LAPTM5: variants seen among roughly 807,000 people sequenced by gnomAD.
LAPTM5 encodes the protein lysosomal protein transmembrane 5.
Under a neutral mutation model 30.1 loss-of-function variants are expected in LAPTM5, and 11 were observed. The observed-to-expected ratio is 0.37, with a 90% confidence interval of 0.23 to 0.60. LAPTM5 has a LOEUF of 0.60. Ranked by LOEUF, LAPTM5 falls within the 20% of genes least tolerant of loss-of-function variation. The probability of loss-of-function intolerance (pLI) is 0.71; values close to 1 mark genes in which losing one functional copy is unlikely to be tolerated. For missense variants in LAPTM5, 324 were observed against 332.5 expected (o/e 0.97, Z 0.20); for synonymous variants, 151 against 137.9 (o/e 1.10, Z -0.67).
In LAPTM5 at chr1:30,737,615, G is replaced by C; in HGVS notation, c.595C>G (p.Leu199Val). 1 of 1,612,386 alleles carries C rather than the reference G, an allele frequency of 6.2e-7. No individual in the cohort carries two copies. Among genetic ancestry groups the C allele is most frequent in the Non-Finnish European group, 8.5e-7 (1 of 1,178,630 alleles). ...IIFSIAFITV[L>V]IFKVYMFKCV... ...AGGGATCCACTCACCTTGAAGATAA[G>C]GACAGTGATGAAGGCGATGGAAAAG... is the stretch of plus-strand genomic sequence containing the variant. Residue 199 changes from leucine to valine, a missense_variant, in exon 6 of 8, where the codon CTT (leucine) becomes GTT (valine). Leu to Val is a conservative substitution (Grantham distance 32). Transcript: ENST00000294507.
At chr1:30,742,380 C>T (rs1639982919) in intron 2 of LAPTM5, 76 bp downstream of exon 2, 3 of 1,039,748 alleles carry the variant, frequency 2.9e-6, no homozygotes, top group Non-Finnish European at 4.4e-6. Context: ...GCCTCCAACA[C>T]TAGCCTGGCT....
chr1:30,749,344 C>T (rs1025655595), intron 1 of LAPTM5, among the ~76,000 whole-genome samples: 28 of 152,050 alleles, frequency 1.8e-4, no homozygotes, highest in African/African-American at 5.8e-4. Flanking sequence ...GGGGCAGTGG[C>T]GAGGCGGGGG....
At position 30,739,927 on chromosome 1, in the gene LAPTM5, T is replaced by G; in HGVS notation, c.269A>C (p.Lys90Thr). 1 of 1,595,618 alleles carries G rather than the reference T, an allele frequency of 6.3e-7. No homozygotes were observed. The highest frequency in any genetic ancestry group is 8.6e-7 in the Non-Finnish European group (1 of 1,169,382). ...CAGGGACAGGAAGGGCAGCAGGTAC[T>G]TCTCCCGGTTCTGAAAGGTAGGCCC... Reference protein sequence around the residue: ...LLIGVVKNREKYLLPFLSLQI... With the variant: ...LLIGVVKNRETYLLPFLSLQI... The change falls in exon 4 of 8, where the codon AAG becomes ACG. Residue 90 changes from lysine (K) to threonine (T), a missense_variant. Transcript: ENST00000294507. This position sits in a 1 kb window ranked among gnomAD's most constrained non-coding sequence, Gnocchi z 4.2.
chr1:30,744,320 G>A (rs1216594587), intron 1 of LAPTM5, among the ~76,000 whole-genome samples: 2 of 152,128 alleles, frequency 1.3e-5, no homozygotes, highest in Non-Finnish European at 2.9e-5. Context: ...GCCCCTAAAG[G>A]CCAGGCCGCA....
At chr1:30,749,055 T>C (rs1279281576) in intron 1 of LAPTM5, among the ~76,000 whole-genome samples, 2 of 152,260 alleles carry the variant, frequency 1.3e-5, no homozygotes, top group African/African-American at 4.8e-5. Context: ...CTGGTGGCCA[T>C]GGCTGCCTTA....
At chr1:30,742,634 G>A in intron 1 of LAPTM5, 85 bp from the exon 2 acceptor site, 1 of 1,095,252 alleles carries the variant, frequency 9.1e-7, no homozygotes, top group Non-Finnish European at 1.4e-6. Flanking sequence ...TGTACAGCAG[G>A]GAAGCCAGTA....
intron 1 of LAPTM5, among the ~76,000 whole-genome samples, chr1:30,747,162 G>A (rs376613502): frequency 3.9e-5 from 6 of 152,156 alleles, no homozygotes; most frequent in African/African-American, 1.4e-4. Context: ...ACCCATGAGC[G>A]TGGCTTTGAG....
intron 1 of LAPTM5, among the ~76,000 whole-genome samples, chr1:30,750,341 T>C (rs978318965): frequency 1.1e-4 from 16 of 152,204 alleles, no homozygotes; most frequent in Non-Finnish European, 2.4e-4. Flanking sequence ...TAAGTATTGA[T>C]ACTATTATTG....
intron 7 of LAPTM5, among the ~76,000 whole-genome samples, chr1:30,734,878 G>C (rs1469415053): frequency 2.6e-5 from 4 of 152,218 alleles, no homozygotes; most frequent in African/African-American, 4.8e-5. Flanking sequence ...AGTTGTAATT[G>C]TATCTATGTG....
At chr1:30,740,205 T>G (rs1639948214) in intron 3 of LAPTM5, among the ~76,000 whole-genome samples, 1 of 152,188 alleles carries the variant, frequency 6.6e-6, no homozygotes, top group Non-Finnish European at 1.5e-5. Flanking sequence ...TGACTCAATT[T>G]GCTCACAAGA....
chr1:30,739,101 G>A lies in LAPTM5; in HGVS notation c.388-39C>T. ...ATACAAGGAGGAGGAATGAGGAGCAGCAATTAAAGTCCCAGTTACTGAGCG... is the reference window on the plus strand; with the variant it reads ...ATACAAGGAGGAGGAATGAGGAGCAACAATTAAAGTCCCAGTTACTGAGCG... On this transcript the variant is annotated intron_variant, in intron 4 of 7. Coordinates refer to ENST00000294507, the MANE Select transcript of LAPTM5 (RefSeq NM_006762.3). The surrounding 1 kb of genome is among the most constrained non-coding windows in gnomAD (Gnocchi z 4.2). 6.4e-7 allele frequency: 1 copy of A among 1,557,352 alleles called. No homozygotes were observed. Among genetic ancestry groups the A allele is most frequent in the Non-Finnish European group, 8.7e-7 (1 of 1,149,446 alleles).
At chr1:30,736,148 G>C (rs1639880972) in intron 6 of LAPTM5, among the ~76,000 whole-genome samples, 1 of 152,136 alleles carries the variant, frequency 6.6e-6, no homozygotes, top group South Asian at 2.1e-4. Context: ...TCCCCCATGA[G>C]GCCTTCAGGG....
intron 1 of LAPTM5, among the ~76,000 whole-genome samples, chr1:30,743,232 C>T (rs762182190): frequency 1.3e-5 from 2 of 152,184 alleles, no homozygotes; most frequent in African/African-American, 2.4e-5. Context: ...TATCCCCATT[C>T]GACTGTAGGT....
At chr1:30,752,218 C>CTGAA (rs1242036191) in intron 1 of LAPTM5, among the ~76,000 whole-genome samples, 1 of 152,220 alleles carries the variant, frequency 6.6e-6, no homozygotes, top group Non-Finnish European at 1.5e-5. Flanking sequence ...GCAGGGGGAC[C>CTGAA]TGAAGCAAGC....
Position 30,737,594 on chromosome 1 carries a change from A to T in LAPTM5, c.606+10T>A. ...CCCCTCCCAGAGCCGCAGGGCAGGG[A>T]TCCACTCACCTTGAAGATAAGGACA... On this transcript the variant is annotated intron_variant, in intron 6 of 7. Transcript: ENST00000294507. 1.2e-6 allele frequency: 2 copies of T among 1,601,672 alleles called. No homozygotes were observed. The highest frequency in any genetic ancestry group is 1.1e-5 in the South Asian group (1 of 90,456).
intron 5 of LAPTM5, among the ~76,000 whole-genome samples, chr1:30,738,625 C>A (rs1293697740): frequency 6.6e-6 from 1 of 152,190 alleles, no homozygotes; most frequent in African/African-American, 2.4e-5. Flanking sequence ...ATTCATTAGA[C>A]AACAATAAAA....
chr1:30,742,061 G>A, intron 2 of LAPTM5: 1 of 362,186 alleles, frequency 2.8e-6, no homozygotes, highest in Non-Finnish European at 5.2e-6. Context: ...TGTGGCTGGA[G>A]CAAGGTGTGG....
chr1:30,733,965 G>C (rs897167617), intron 7 of LAPTM5, 48 bp from the exon 8 acceptor site: 2 of 1,579,340 alleles, frequency 1.3e-6, no homozygotes, highest in South Asian at 2.3e-5. Flanking sequence ...AGAATGACCT[G>C]CAATTCCAAC....
chr1:30,751,437 A>T (rs1640137076), intron 1 of LAPTM5, among the ~76,000 whole-genome samples: 1 of 152,226 alleles, frequency 6.6e-6, no homozygotes. Context: ...CAAACAGATG[A>T]ACTTTCAACA....
Sources: allele counts gnomAD v4.1 joint callset (sites outside exome capture counted in the v4.1 genomes callset), GRCh38; gene constraint gnomAD v4.1.1; non-coding constraint Gnocchi (gnomAD v3.1); transcripts MANE v1.5; gene names NCBI Gene and HGNC (gene_info 2026-07-23, HGNC 2026-07-21).